FBXL17: variants seen among roughly 807,000 people sequenced by gnomAD.
FBXL17 encodes F-box and leucine rich repeat protein 17.
FBXL17 carries 22 observed loss-of-function variants against 66.2 expected under a neutral mutation model. That is an observed-to-expected ratio of 0.33 (90% confidence interval 0.24 to 0.47). The LOEUF (loss-of-function observed/expected upper bound fraction) is 0.47, where lower values mean the gene tolerates loss of function less well. Among genes scored for constraint, FBXL17 ranks in the 20% least tolerant of loss-of-function variants. The probability of loss-of-function intolerance (pLI) is 1.00; values close to 1 mark genes in which losing one functional copy is unlikely to be tolerated. For synonymous variants in FBXL17, 474 were observed against 400.5 expected, an observed-to-expected ratio of 1.18 and a Z score of -2.19; for missense variants, 878 against 948.2, an observed-to-expected ratio of 0.93 and a Z score of 0.97.
At chr5:108,113,990 T>G (rs1024939160) in intron 6 of FBXL17, among the ~76,000 whole-genome samples, 16 of 152,204 alleles carry the variant, frequency 1.1e-4, no homozygotes, top group Non-Finnish European at 4.4e-5. Flanking sequence ...ATAGAACAAA[T>G]GTATAATTAT....
intron 7 of FBXL17, among the ~76,000 whole-genome samples, chr5:107,980,758 G>A (rs1341275100): frequency 6.8e-6 from 1 of 146,962 alleles, no homozygotes; most frequent in East Asian, 2.0e-4. Flanking sequence ...CCGGGTTCAT[G>A]CCATTCTCCT....
chr5:108,233,427 G>A (rs1225833131), intron 4 of FBXL17, among the ~76,000 whole-genome samples: 2 of 152,152 alleles, frequency 1.3e-5, no homozygotes, highest in African/African-American at 4.8e-5. Flanking sequence ...CAGGCTATGG[G>A]AAAACCAGGC....
intron 6 of FBXL17, among the ~76,000 whole-genome samples, chr5:108,127,346 A>G (rs1012208893): frequency 5.3e-5 from 8 of 152,236 alleles, no homozygotes; most frequent in South Asian, 4.1e-4. Context: ...TGTCCTGTTC[A>G]AAACATAGTA....
chr5:108,074,629 A>C (rs1748474646), intron 6 of FBXL17, among the ~76,000 whole-genome samples: 1 of 152,194 alleles, frequency 6.6e-6, no homozygotes, highest in Non-Finnish European at 1.5e-5. Flanking sequence ...AGGAACACAC[A>C]AAAAAGGCAC....
chr5:108,053,125 G>A (rs1251884932), intron 6 of FBXL17, among the ~76,000 whole-genome samples: 1 of 152,142 alleles, frequency 6.6e-6, no homozygotes, highest in Non-Finnish European at 1.5e-5. Flanking sequence ...TACCATTCAG[G>A]ACATAGGCAG....
chr5:108,084,765 G>A (rs553110227), intron 6 of FBXL17, among the ~76,000 whole-genome samples: 12 of 152,154 alleles, frequency 7.9e-5, no homozygotes, highest in Non-Finnish European at 1.5e-4. Context: ...TAAAGGCAGA[G>A]AAATCAAATG....
rs1348013541 is a variant in FBXL17 at position 107,881,178 on chromosome 5, T to C, written c.1824A>G (p.Ala608=). 1.3e-6 allele frequency: 2 copies of C among 1,593,584 alleles called. No individual in the cohort carries two copies. The highest frequency in any genetic ancestry group is 1.7e-5 in the Admixed American group (1 of 58,938). The change falls in exon 8 of 9, where the codon GCA becomes GCG. Residue 608 remains alanine, a splice_region_variant and synonymous_variant. Transcript: ENST00000542267. ...TGCTGTATCGCCCAATGGCTATCAG[T>C]GCTGCAAGAAGGGACGCAGAGAAAG... The part of the protein sequence containing the change: ...YLVSCKITDY[A]LIAIGRYSMT...
At chr5:107,976,799 T>C (rs1192967929) in intron 7 of FBXL17, among the ~76,000 whole-genome samples, 2 of 152,218 alleles carry the variant, frequency 1.3e-5, no homozygotes, top group African/African-American at 4.8e-5. Flanking sequence ...AATATATTAA[T>C]AAACAGTGTT....
At chr5:107,924,635 A>AC (rs1750440101) in intron 7 of FBXL17, among the ~76,000 whole-genome samples, 1 of 152,198 alleles carries the variant, frequency 6.6e-6, no homozygotes, top group African/African-American at 2.4e-5. Context: ...CTATCAATGT[A>AC]CCCAGCATCT....
At chr5:107,906,091 C>A (rs1749747576) in intron 7 of FBXL17, among the ~76,000 whole-genome samples, 1 of 150,292 alleles carries the variant, frequency 6.7e-6, no homozygotes. Context: ...TTTAGCAAAT[C>A]TGGTTAAATT....
chr5:108,018,306 CA>C (rs1255789002), intron 7 of FBXL17, among the ~76,000 whole-genome samples: 1 of 152,086 alleles, frequency 6.6e-6, no homozygotes, highest in Non-Finnish European at 1.5e-5. Context: ...AGGAAAAGGG[CA>C]TCTGCTTTTT....
At chr5:108,026,536 T>G (rs1456142279) in intron 6 of FBXL17, among the ~76,000 whole-genome samples, 1 of 152,226 alleles carries the variant, frequency 6.6e-6, no homozygotes, top group Non-Finnish European at 1.5e-5. Context: ...AGAAAAATTC[T>G]TTTTTAAAGG....
At chr5:108,039,972 AC>A (rs1410919393) in intron 6 of FBXL17, among the ~76,000 whole-genome samples, 11 of 152,184 alleles carry the variant, frequency 7.2e-5, no homozygotes, top group Non-Finnish European at 1.6e-4. Flanking sequence ...ATGTTGAAGC[AC>A]ATTACTTTAG....
At chr5:108,033,941 A>G (rs1746740837) in intron 6 of FBXL17, among the ~76,000 whole-genome samples, 1 of 152,200 alleles carries the variant, frequency 6.6e-6, no homozygotes, top group Middle Eastern at 3.2e-3. Context: ...TAATTCATAT[A>G]CTTCCTGAAT....
At chr5:108,007,768 C>T (rs188238663) in intron 7 of FBXL17, among the ~76,000 whole-genome samples, 4 of 152,068 alleles carry the variant, frequency 2.6e-5, no homozygotes, top group African/African-American at 9.7e-5. Context: ...GAAGATGAAG[C>T]ATGAACTTCA....
intron 6 of FBXL17, among the ~76,000 whole-genome samples, chr5:108,094,906 G>T (rs189573516): frequency 2.1e-3 from 323 of 151,730 alleles, no homozygotes; most frequent in African/African-American, 7.0e-3. Context: ...GACCTTCTAT[G>T]AAAAAATAAA....
intron 7 of FBXL17, among the ~76,000 whole-genome samples, chr5:107,959,740 C>G (rs915667307): frequency 6.6e-6 from 1 of 152,126 alleles, no homozygotes; most frequent in Admixed American, 6.6e-5. Flanking sequence ...CCAACCTGGC[C>G]TTGATTGACA....
At chr5:108,368,977 G>A (rs1277293304) in intron 1 of FBXL17, among the ~76,000 whole-genome samples, 1 of 150,986 alleles carries the variant, frequency 6.6e-6, no homozygotes, top group Non-Finnish European at 1.5e-5. Flanking sequence ...ATTCTCTGTG[G>A]ACCTCAAGAT....
At chr5:108,110,720 T>C (rs1409934843) in intron 6 of FBXL17, among the ~76,000 whole-genome samples, 2 of 152,136 alleles carry the variant, frequency 1.3e-5, no homozygotes, top group African/African-American at 4.8e-5. Context: ...TACTGCAGCT[T>C]TCTTTCTTTT....
Sources: gnomAD v4.1 joint callset for allele counts (sites outside exome capture counted in the v4.1 genomes callset) on GRCh38, gnomAD v4.1.1 for gene constraint, MANE v1.5 for transcripts, NCBI Gene and HGNC (gene_info 2026-07-23, HGNC 2026-07-21) for gene names.